Variants in MATN2 observed in about 807,000 individuals in gnomAD.
MATN2 encodes matrilin 2.
Under a neutral mutation model 103.2 loss-of-function variants are expected in MATN2, and 69 were observed. That is an observed-to-expected ratio of 0.67 (90% confidence interval 0.55 to 0.82). The LOEUF is 0.82. Among genes scored for constraint, MATN2 ranks in the 40% least tolerant of loss-of-function variants. MATN2 has a pLI of 0.00. For synonymous variants in MATN2, 429 were observed against 450.2 expected, an observed-to-expected ratio of 0.95 and a Z score of 0.60; for missense variants, 1,023 against 1,211.5, an observed-to-expected ratio of 0.84 and a Z score of 2.31.
intron 2 of MATN2, among the ~76,000 whole-genome samples, chr8:97,919,766 G>A (rs1809750975): frequency 6.6e-6 from 1 of 152,054 alleles, no homozygotes; most frequent in South Asian, 2.1e-4. Context: ...CCTGGCACTA[G>A]GCCGGGTACT....
At chr8:97,933,079 C>G (rs1810251776) in intron 3 of MATN2, among the ~76,000 whole-genome samples, 1 of 152,166 alleles carries the variant, frequency 6.6e-6, no homozygotes, top group Admixed American at 6.5e-5. Flanking sequence ...TGAGAACTAA[C>G]TTCAAAAAGC....
chr8:97,921,261 A>G (rs934283674), intron 2 of MATN2, among the ~76,000 whole-genome samples: 7 of 152,232 alleles, frequency 4.6e-5, no homozygotes, highest in African/African-American at 1.7e-4. Context: ...ATGATTTGCT[A>G]ATGAGTTCAC....
chr8:97,889,981 A>T (rs1818575073), intron 2 of MATN2, among the ~76,000 whole-genome samples: 1 of 152,156 alleles, frequency 6.6e-6, no homozygotes, highest in South Asian at 2.1e-4. Context: ...ATTTTGCTAA[A>T]GGCACCAACC....
In MATN2 at chr8:97,931,588, G is replaced by A. The variant is rs1810200641; in HGVS notation, c.712+66G>A. The A allele has an allele frequency of 3.5e-6, 5 of 1,436,836 alleles. No homozygotes were observed. The South Asian group carries it at 5.4e-5, about 16-fold the overall frequency. 89.0% of individuals were successfully genotyped at this position (1,436,836 alleles called of 1,614,324 possible). A position where few individuals can be genotyped will look rare whatever the true frequency, so the allele number is the denominator to read the frequency against. ...AGAATTCATTCATTCATCTTCAAGT[G>A]TTCATTCTGTGTTACTATGTCCCAG... On this transcript the variant is annotated intron_variant, in intron 3 of 18. Coordinates refer to ENST00000254898, the MANE Select transcript of MATN2 (RefSeq NM_002380.5). This position sits in a 1 kb window ranked among gnomAD's most constrained non-coding sequence, Gnocchi z 4.1.
rs1397296162 is a variant in MATN2, at chr8:98,016,636, T to C, written c.1670T>C (p.Leu557Pro). The change falls in exon 11 of 19, where the codon CTC becomes CCC. Residue 557 changes from leucine (L) to proline (P), a missense_variant. Transcript: ENST00000254898. ...FVCQCFEGYI[L>P]REDGKTCRRK... ...TGCCAGTGCTTTGAAGGTTATATAC[T>C]CCGTGAAGATGGAAAAACCTGCAGA... 6.2e-7 allele frequency: 1 copy of C among 1,612,080 alleles called. No individual in the cohort carries two copies. Among genetic ancestry groups the C allele is most frequent in the South Asian group, 1.1e-5 (1 of 90,664 alleles).
chr8:97,973,558 G>T (rs1239339031), intron 5 of MATN2, among the ~76,000 whole-genome samples: 2 of 145,840 alleles, frequency 1.4e-5, no homozygotes, highest in Non-Finnish European at 1.5e-5. Context: ...AAAAAAGTAT[G>T]ATATTTACAA....
At chr8:98,006,252 T>A (rs1812964554) in intron 8 of MATN2, among the ~76,000 whole-genome samples, 1 of 152,188 alleles carries the variant, frequency 6.6e-6, no homozygotes, top group Admixed American at 6.5e-5. Flanking sequence ...GTAAAAAAAA[T>A]AGAAATTGAT....
intron 1 of MATN2, among the ~76,000 whole-genome samples, chr8:97,878,702 T>A (rs960293554): frequency 6.6e-6 from 1 of 151,036 alleles, no homozygotes; most frequent in African/African-American, 2.4e-5. Context: ...ATACAAAAAA[T>A]TAGCTGGGCA....
chr8:97,945,735 T>A (rs186999732), intron 4 of MATN2, among the ~76,000 whole-genome samples: 5 of 147,058 alleles, frequency 3.4e-5, no homozygotes, highest in African/African-American at 1.0e-4. Flanking sequence ...TATATATATA[T>A]AATCTCCCCA....
chr8:97,991,721 C>CAA (rs140017044), intron 6 of MATN2, among the ~76,000 whole-genome samples: 2 of 138,214 alleles, frequency 1.4e-5, no homozygotes, highest in South Asian at 2.3e-4. Context: ...GACTCTATCT[C>CAA]AAAAAAAAAA....
chr8:97,998,618 GCTGCTGAAGCGAGAGCTT>G (rs1369297302), intron 7 of MATN2, among the ~76,000 whole-genome samples: 5 of 147,318 alleles, frequency 3.4e-5, no homozygotes, highest in African/African-American at 1.0e-4. Flanking sequence ...TATTGTATGT[GCTGCTGAAGCGAGAGCTT>G]CAGCATATTT....
At chr8:97,965,085 C>T (rs1006233674) in intron 5 of MATN2, among the ~76,000 whole-genome samples, 1 of 152,138 alleles carries the variant, frequency 6.6e-6, no homozygotes, top group Non-Finnish European at 1.5e-5. Flanking sequence ...CATCTTTTCA[C>T]TTTGAAAGGG....
intron 2 of MATN2, among the ~76,000 whole-genome samples, chr8:97,923,184 C>T (rs73698693): frequency 7.0e-6 from 1 of 142,584 alleles, no homozygotes; most frequent in African/African-American, 3.1e-5. Flanking sequence ...CTTGCTGTCT[C>T]TCTCTCTCTG....
intron 2 of MATN2, among the ~76,000 whole-genome samples, chr8:97,904,576 T>C (rs146307693): frequency 3.4e-4 from 52 of 152,312 alleles, no homozygotes; most frequent in African/African-American, 1.3e-3. Context: ...TCTCTGATAA[T>C]ATCTCGCATA....
chr8:97,913,379 A>G (rs1489252376), intron 2 of MATN2, among the ~76,000 whole-genome samples: 2 of 149,210 alleles, frequency 1.3e-5, no homozygotes, highest in East Asian at 3.9e-4. Flanking sequence ...CAGTGGCACG[A>G]TCTTGGCTCA....
chr8:97,923,700 G>T (rs1293661217), intron 2 of MATN2, among the ~76,000 whole-genome samples: 1 of 152,076 alleles, frequency 6.6e-6, no homozygotes, highest in East Asian at 1.9e-4. Context: ...GGGATAACAG[G>T]CGCCTGCCAC....
chr8:97,979,398 C>T (rs1220112036), intron 6 of MATN2, among the ~76,000 whole-genome samples: 2 of 152,184 alleles, frequency 1.3e-5, no homozygotes, highest in African/African-American at 2.4e-5. Flanking sequence ...GCAAGAAAAT[C>T]GCTGAGCCAA....
intron 2 of MATN2, among the ~76,000 whole-genome samples, chr8:97,895,061 C>T (rs569944370): frequency 2.6e-5 from 4 of 152,072 alleles, no homozygotes; most frequent in South Asian, 2.1e-4. Flanking sequence ...TTAGTAGAGA[C>T]GGGGTTTCAT....
intron 3 of MATN2, among the ~76,000 whole-genome samples, chr8:97,937,843 T>C (rs143782500): frequency 1.3e-4 from 20 of 152,194 alleles, no homozygotes; most frequent in African/African-American, 4.8e-4. Context: ...CCTCCCAAAG[T>C]GCTGGTATTA....
Sources: gnomAD v4.1 joint callset for allele counts (sites outside exome capture counted in the v4.1 genomes callset) on GRCh38, gnomAD v4.1.1 for gene constraint, Gnocchi (gnomAD v3.1) non-coding constraint, MANE v1.5 for transcripts, NCBI Gene and HGNC (gene_info 2026-07-23, HGNC 2026-07-21) for gene names.